Variants in DNAH5 observed in about 807,000 individuals in gnomAD.
DNAH5 encodes dynein axonemal heavy chain 5.
In DNAH5, 372 loss-of-function variants were observed where a neutral mutation model predicts 518.2. The observed-to-expected ratio is 0.72, with a 90% CI of 0.66 to 0.78. The LOEUF is 0.78. Among genes scored for constraint, DNAH5 ranks in the 30% least tolerant of loss-of-function variants. DNAH5 has a pLI of 0.00. For missense variants in DNAH5, 5,523 were observed against 5,687.0 expected, an observed-to-expected ratio of 0.97 and a Z score of 0.93; for synonymous variants, 2,039 against 2,025.9, an observed-to-expected ratio of 1.01 and a Z score of -0.17.
intron 3 of DNAH5, among the ~76,000 whole-genome samples, chr5:13,924,470 G>A (rs907103083): frequency 2.4e-4 from 37 of 152,150 alleles, no homozygotes; most frequent in Non-Finnish European, 2.9e-5. Flanking sequence ...AAGGTCGGGA[G>A]TTCGAGACCA....
intron 2 of DNAH5, 33 bp from the exon 3 acceptor site, chr5:13,928,211 T>C: frequency 6.5e-7 from 1 of 1,536,778 alleles, no homozygotes; most frequent in Non-Finnish European, 9.0e-7. Context: ...ATAATGATTT[T>C]CAATCCAAAT....
At chr5:13,878,521 C>A (rs1381477653) in intron 21 of DNAH5, among the ~76,000 whole-genome samples, 2 of 152,128 alleles carry the variant, frequency 1.3e-5, no homozygotes, top group African/African-American at 4.8e-5. Context: ...GCAGCTGGAG[C>A]CACAGCTGAG....
At chr5:13,850,978 C>A (rs564871931) in intron 30 of DNAH5, among the ~76,000 whole-genome samples, 163 bp from the exon 31 acceptor site, 1 of 152,302 alleles carries the variant, frequency 6.6e-6, no homozygotes, top group Non-Finnish European at 1.5e-5. Context: ...TCTTATTGGG[C>A]TTTCTGTGCC....
chr5:13,835,683 G>A (rs1003920210), intron 35 of DNAH5, among the ~76,000 whole-genome samples: 3 of 152,076 alleles, frequency 2.0e-5, no homozygotes, highest in Admixed American at 1.3e-4. Flanking sequence ...ATCAGACACC[G>A]CCTCCTCCAG....
chr5:13,697,189 T>C (rs950909060), intron 78 of DNAH5, among the ~76,000 whole-genome samples: 75 of 152,204 alleles, frequency 4.9e-4, no homozygotes, highest in African/African-American at 1.8e-3. Flanking sequence ...TTTTCTAAAA[T>C]ACTATTTTTG....
rs115271684 is a variant in DNAH5 at position 13,996,530 on chromosome 5, G to A, written c.12+15118C>T. 1.9e-3 allele frequency among the ~76,000 whole-genome samples: 290 copies of A among 152,204 alleles called. 2 individuals are homozygous for A. The highest frequency in any genetic ancestry group is 6.2e-3 in the African/African-American group (258 of 41,540). On this transcript the variant is annotated intron_variant, in intron 1 of 78. Transcript: ENST00000681290. ...TATGTGCTTCCAAAATATAATTTTG[G>A]GACAGACATAGGATAGACATCCCCC...
chr5:13,807,879 G>A (rs1759882284), intron 46 of DNAH5, among the ~76,000 whole-genome samples, 154 bp from the exon 47 acceptor site: 1 of 152,072 alleles, frequency 6.6e-6, no homozygotes, highest in Non-Finnish European at 1.5e-5. Context: ...GGTGACTAAG[G>A]TAAAATAAAG....
intron 35 of DNAH5, among the ~76,000 whole-genome samples, chr5:13,836,436 G>A (rs1347498680): frequency 1.3e-5 from 2 of 152,268 alleles, no homozygotes; most frequent in South Asian, 4.1e-4. Context: ...ACGAGTAGGA[G>A]CAGGTACAAA....
chr5:13,858,408 G>T (rs1312886087), intron 30 of DNAH5, among the ~76,000 whole-genome samples: 1 of 152,080 alleles, frequency 6.6e-6, no homozygotes, highest in Non-Finnish European at 1.5e-5. Flanking sequence ...TCACACACTG[G>T]GGCCTGTCAG....
chr5:13,929,709 T>G (rs1778230678), intron 2 of DNAH5, among the ~76,000 whole-genome samples: 1 of 152,170 alleles, frequency 6.6e-6, no homozygotes, highest in Non-Finnish European at 1.5e-5. Context: ...CCTCTGTGCT[T>G]GAGAGCCTGA....
At position 13,913,910 on chromosome 5, in the gene DNAH5, G is replaced by T; in HGVS notation, c.1369C>A (p.Pro457Thr). The change falls in exon 11 of 79, where the codon CCA becomes ACA. Residue 457 changes from proline to threonine, a missense_variant. Physicochemically the swap from Pro to Thr is conservative, Grantham distance 38. Transcript: ENST00000265104. ...HKTKQKLKQN[P>T]NAKQFDFSEM... ...CTAAAATCAAATTGTTTTGCATTTGGATTTTGTTTAAGCTTTTGTTTTGTC... is the reference window on the plus strand; with the variant it reads ...CTAAAATCAAATTGTTTTGCATTTGTATTTTGTTTAAGCTTTTGTTTTGTC... The T allele has an allele frequency of 6.2e-7, 1 of 1,613,434 alleles. No individual in the cohort carries two copies. Among genetic ancestry groups the T allele is most frequent in the Non-Finnish European group, 8.5e-7 (1 of 1,179,498 alleles).
At chr5:13,937,915 T>C (rs1779095170) in intron 1 of DNAH5, among the ~76,000 whole-genome samples, 1 of 152,208 alleles carries the variant, frequency 6.6e-6, no homozygotes, top group Non-Finnish European at 1.5e-5. Context: ...TTGTAAATAA[T>C]GTATTCTATG....
intron 75 of DNAH5, among the ~76,000 whole-genome samples, chr5:13,712,813 C>A (rs1177309877): frequency 2.0e-5 from 3 of 151,916 alleles, no homozygotes; most frequent in Admixed American, 6.6e-5. Flanking sequence ...ATCGAAAAAT[C>A]AAAAAACAGT....
chr5:13,700,509 T>A, intron 78 of DNAH5, 131 bp downstream of exon 78: 1 of 856,500 alleles, frequency 1.2e-6, no homozygotes. Flanking sequence ...TAAACATGGG[T>A]GTGAATGTAA....
intron 47 of DNAH5, among the ~76,000 whole-genome samples, chr5:13,796,270 G>T (rs113096445): frequency 0.021 from 3,180 of 152,298 alleles, 99 homozygotes; most frequent in African/African-American, 0.07. Flanking sequence ...GTCCCTGTTT[G>T]CAGATGACAT....
At chr5:13,973,178 A>G (rs1487124068) in intron 1 of DNAH5, among the ~76,000 whole-genome samples, 1 of 152,216 alleles carries the variant, frequency 6.6e-6, no homozygotes, top group Non-Finnish European at 1.5e-5. Context: ...GGGCTGTTGC[A>G]GCAATGCCAG....
At chr5:13,983,321 A>T (rs1782816383) in intron 1 of DNAH5, among the ~76,000 whole-genome samples, 1 of 152,206 alleles carries the variant, frequency 6.6e-6, no homozygotes, top group African/African-American at 2.4e-5. Flanking sequence ...CTGGAGCCTG[A>T]AGTCGTTAAA....
chr5:13,822,632 A>T (rs1287733515), intron 40 of DNAH5, among the ~76,000 whole-genome samples: 1 of 152,162 alleles, frequency 6.6e-6, no homozygotes, highest in Non-Finnish European at 1.5e-5. Context: ...TCTATAAAAC[A>T]TTTTTTTCCA....
chr5:13,788,507 G>C (rs1756440251), intron 51 of DNAH5, among the ~76,000 whole-genome samples: 1 of 152,142 alleles, frequency 6.6e-6, no homozygotes, highest in African/African-American at 2.4e-5. Flanking sequence ...ATCCAAGCGT[G>C]ATATGCATAA....
Sources: gnomAD v4.1 joint callset for allele counts (sites outside exome capture counted in the v4.1 genomes callset) on GRCh38, gnomAD v4.1.1 for gene constraint, MANE v1.5 for transcripts, NCBI Gene and HGNC (gene_info 2026-07-23, HGNC 2026-07-21) for gene names.